THSD4: variants seen among roughly 807,000 people sequenced by gnomAD.
THSD4 encodes thrombospondin type 1 domain containing 4.
THSD4 carries 69 observed loss-of-function variants against 119.0 expected under a neutral mutation model. The observed-to-expected ratio is 0.58, with a 90% CI of 0.48 to 0.71. THSD4 has a LOEUF of 0.71. Among genes scored for constraint, THSD4 ranks in the 30% least tolerant of loss-of-function variants. THSD4 has a pLI of 0.00. For missense variants in THSD4, 1,393 were observed against 1,391.1 expected, an observed-to-expected ratio of 1.00 and a Z score of -0.02; for synonymous variants, 524 against 540.4, an observed-to-expected ratio of 0.97 and a Z score of 0.42.
At chr15:71,172,693 ATATAT>A in intron 3 of THSD4, among the ~76,000 whole-genome samples, 1 of 73,254 alleles carries the variant, frequency 1.4e-5, no homozygotes, top group Non-Finnish European at 2.6e-5. Flanking sequence ...ATATATATAT[ATATAT>A]ATATATATAT....
In THSD4 at chr15:71,326,934, G is replaced by A. The variant is rs374343167; in HGVS notation, c.1015+70219G>A. Reference sequence around the variant, plus strand: ...TGTAATCCTAGCGCTTTGGGAGGCCGAGGTGGGTGGGTCACCTGAGGCCGG... The same window carrying A: ...TGTAATCCTAGCGCTTTGGGAGGCCAAGGTGGGTGGGTCACCTGAGGCCGG... On this transcript the variant is annotated intron_variant, in intron 6 of 17. Coordinates refer to ENST00000261862, the MANE Select transcript of THSD4 (RefSeq NM_024817.3). Among the ~76,000 whole-genome samples, 43 of 150,978 alleles carry A rather than the reference G, an allele frequency of 2.8e-4. 2 individuals carry two copies. In the East Asian group the frequency reaches 5.5e-3, roughly 19 times the overall value.
chr15:71,298,546 T>TC (rs11306996), intron 6 of THSD4, among the ~76,000 whole-genome samples: 7 of 150,014 alleles, frequency 4.7e-5, no homozygotes, highest in African/African-American at 1.7e-4. Context: ...TCTCTTCTAG[T>TC]CCCCCCCTTA....
intron 6 of THSD4, among the ~76,000 whole-genome samples, chr15:71,366,113 G>A (rs2045959214): frequency 6.6e-6 from 1 of 152,004 alleles, no homozygotes; most frequent in Non-Finnish European, 1.5e-5. Context: ...TCACTCTGTT[G>A]CCCAGGCTGG....
chr15:71,699,059 G>A (rs2052228871), intron 8 of THSD4, among the ~76,000 whole-genome samples: 1 of 152,088 alleles, frequency 6.6e-6, no homozygotes, highest in Non-Finnish European at 1.5e-5. Context: ...TAAAAGAGTA[G>A]ACCTTATTTT....
chr15:71,373,426 A>G (rs2046086514), intron 6 of THSD4, among the ~76,000 whole-genome samples: 1 of 152,082 alleles, frequency 6.6e-6, no homozygotes, highest in Non-Finnish European at 1.5e-5. Flanking sequence ...TTGAACTTAC[A>G]TGACTCCTAT....
chr15:71,704,749 G>A (rs1438038816), intron 8 of THSD4, among the ~76,000 whole-genome samples: 1 of 152,194 alleles, frequency 6.6e-6, no homozygotes, highest in Non-Finnish European at 1.5e-5. Flanking sequence ...ACAACCCCTA[G>A]CTACAATGAT....
chr15:71,759,108 A>C (rs968712762), intron 15 of THSD4, among the ~76,000 whole-genome samples: 66 of 152,374 alleles, frequency 4.3e-4, no homozygotes, highest in African/African-American at 1.5e-3. Flanking sequence ...AAGATGTGAA[A>C]GTGCATGTGG....
chr15:71,518,235 CAGTT>C (rs779804804), intron 7 of THSD4, among the ~76,000 whole-genome samples: 55 of 152,004 alleles, frequency 3.6e-4, no homozygotes, highest in Non-Finnish European at 2.4e-4. Flanking sequence ...CAAATGTACT[CAGTT>C]AGGCTGTGGA....
At chr15:71,527,591 TACAC>T (rs1236497417) in intron 7 of THSD4, among the ~76,000 whole-genome samples, 1 of 151,962 alleles carries the variant, frequency 6.6e-6, no homozygotes, top group Non-Finnish European at 1.5e-5. Context: ...CTGACACACA[TACAC>T]ACACACAGCA....
At position 71,748,478 on chromosome 15, in the gene THSD4, A is replaced by C; in HGVS notation, c.2299A>C (p.Ile767Leu). 1.2e-6 allele frequency: 2 copies of C among 1,614,194 alleles called. No individual in the cohort carries two copies. The highest frequency in any genetic ancestry group is 1.7e-6 in the Non-Finnish European group (2 of 1,180,038). The change falls in exon 14 of 18, where the codon ATT becomes CTT. Residue 767 changes from isoleucine to leucine, a missense_variant. Physicochemically the swap from Ile to Leu is conservative, Grantham distance 5. Transcript: ENST00000261862. ...RTRDVKCVSN[I>L]GDVVDDEECN... ...CCGTGATGTGAAGTGTGTGAGCAAC[A>C]TTGGGGATGTGGTTGACGATGAGGA...
At chr15:71,409,641 C>T (rs959438043) in intron 6 of THSD4, among the ~76,000 whole-genome samples, 4 of 152,142 alleles carry the variant, frequency 2.6e-5, no homozygotes, top group African/African-American at 9.7e-5. Flanking sequence ...AGTATCTAGA[C>T]GATGCAGTCT....
At chr15:71,218,366 G>A (rs981939720) in intron 4 of THSD4, among the ~76,000 whole-genome samples, 2 of 152,200 alleles carry the variant, frequency 1.3e-5, no homozygotes, top group Non-Finnish European at 2.9e-5. Flanking sequence ...GGTCTGAGTG[G>A]GAAAGAGGCT....
Position 71,407,172 on chromosome 15 carries a change from A to G in THSD4, c.1016-4515A>G, listed in dbSNP as rs575935011. On this transcript the variant is annotated intron_variant, in intron 6 of 17. Transcript: ENST00000261862. The stretch of plus-strand genomic sequence containing the variant: ...TATGGAAGAGTTGATTTTCAGAGGC[A>G]CTGATAACCATTCTGGAAAGCAGAA... Among the ~76,000 whole-genome samples, 59 of 152,336 alleles carry G rather than the reference A, an allele frequency of 3.9e-4. 1 individual carries two copies. In the South Asian group the frequency reaches 7.3e-3, roughly 19 times the overall value.
intron 7 of THSD4, among the ~76,000 whole-genome samples, chr15:71,630,870 C>T (rs1271330259): frequency 6.6e-6 from 1 of 152,184 alleles, no homozygotes; most frequent in Admixed American, 6.6e-5. Flanking sequence ...GCAAAGGTTT[C>T]TCCACTCCAG....
chr15:71,491,242 A>T (rs534530368), intron 7 of THSD4, among the ~76,000 whole-genome samples: 12 of 152,320 alleles, frequency 7.9e-5, no homozygotes, highest in African/African-American at 2.9e-4. Context: ...AAATTTGGAA[A>T]GTTAAAGAAG....
chr15:71,491,129 C>T (rs1204585010), intron 7 of THSD4, among the ~76,000 whole-genome samples: 2 of 152,164 alleles, frequency 1.3e-5, no homozygotes, highest in African/African-American at 2.4e-5. Flanking sequence ...TCAAGTTGTC[C>T]ACCAGAAAAG....
At chr15:71,101,189 T>C (rs1054419025) in intron 1 of THSD4, among the ~76,000 whole-genome samples, 23 of 152,130 alleles carry the variant, frequency 1.5e-4, no homozygotes, top group Non-Finnish European at 2.6e-4. Flanking sequence ...ACTATATCTC[T>C]GGGAAAAAAA....
In THSD4 at chr15:71,486,167, C is replaced by T. The variant is rs531494732; in HGVS notation, c.1152+74344C>T. 2.9e-3 allele frequency among the ~76,000 whole-genome samples: 434 copies of T among 152,228 alleles called. 1 individual carries two copies. The highest frequency in any genetic ancestry group is 5.1e-3 in the Admixed American group (78 of 15,286). On this transcript the variant is annotated intron_variant, in intron 7 of 17. Transcript: ENST00000261862. The stretch of plus-strand genomic sequence containing the variant: ...CCCCTCTATCTCAAAATATCTCTTT[C>T]TCGGAGTCAGAGTTGAAGTGGTATC...
At chr15:71,526,370 A>G (rs577335448) in intron 7 of THSD4, among the ~76,000 whole-genome samples, 1 of 152,346 alleles carries the variant, frequency 6.6e-6, no homozygotes, top group Non-Finnish European at 1.5e-5. Context: ...CACAGGCAGA[A>G]TATTTTCCAG....
Sources: gnomAD v4.1 joint callset for allele counts (sites outside exome capture counted in the v4.1 genomes callset) on GRCh38, gnomAD v4.1.1 for gene constraint, MANE v1.5 for transcripts, NCBI Gene and HGNC (gene_info 2026-07-23, HGNC 2026-07-21) for gene names.